The following ROBO2 variants were observed in gnomAD, a reference collection of about 807,000 sequenced individuals.
ROBO2 encodes roundabout homolog 2.
In ROBO2, 53 loss-of-function variants were observed where a neutral mutation model predicts 160.8. The ratio of observed to expected loss-of-function variants is 0.33; its 90% CI spans 0.26 to 0.41. ROBO2 has a LOEUF of 0.41. Ranked by LOEUF, ROBO2 falls within the 10% of genes least tolerant of loss-of-function variation. The pLI is 1.00. For missense variants in ROBO2, 1,577 were observed against 1,722.4 expected, an observed-to-expected ratio of 0.92 and a Z score of 1.49; for synonymous variants, 664 against 611.7, an observed-to-expected ratio of 1.09 and a Z score of -1.26.
intron 1 of ROBO2, among the ~76,000 whole-genome samples, chr3:77,047,852 G>T (rs1225201483): frequency 1.3e-5 from 2 of 151,502 alleles, no homozygotes; most frequent in African/African-American, 4.8e-5. Flanking sequence ...GACTATCCTG[G>T]CTAATACGGC....
At chr3:76,576,968 G>T (rs1477919667) in intron 2 of ROBO2, among the ~76,000 whole-genome samples, 1 of 151,908 alleles carries the variant, frequency 6.6e-6, no homozygotes, top group African/African-American at 2.4e-5. Flanking sequence ...AAGGAGGAAA[G>T]GAGAGGAATA....
chr3:76,103,130 A>C (rs2069773007), intron 2 of ROBO2, among the ~76,000 whole-genome samples: 1 of 152,120 alleles, frequency 6.6e-6, no homozygotes, highest in African/African-American at 2.4e-5. Flanking sequence ...GCCAGACCTG[A>C]CCATGTTTAA....
intron 24 of ROBO2, chr3:77,642,754 A>C (rs1166898116): frequency 2.6e-5 from 12 of 456,754 alleles, no homozygotes; most frequent in Non-Finnish European, 5.3e-5. Flanking sequence ...TAACGTGGAA[A>C]ACTCAGCAGA....
chr3:77,617,665 C>G (rs1231321710), exon 22 of ROBO2: 5 of 1,614,138 alleles, frequency 3.1e-6, no homozygotes, highest in African/African-American at 1.3e-5. Flanking sequence ...GGACAGCAGT[C>G]CACTGCAACT....
chr3:76,593,216 T>C (rs903538514), intron 2 of ROBO2, among the ~76,000 whole-genome samples: 1 of 152,092 alleles, frequency 6.6e-6, no homozygotes, highest in African/African-American at 2.4e-5. Flanking sequence ...ATCACCAAAG[T>C]GAACAATATC....
intron 2 of ROBO2, among the ~76,000 whole-genome samples, chr3:77,269,030 G>A (rs1272944148): frequency 1.3e-5 from 2 of 152,144 alleles, no homozygotes; most frequent in African/African-American, 4.8e-5. Flanking sequence ...ATATCTCTGA[G>A]CATCTTAATT....
chr3:77,564,861 A>G lies in ROBO2; in HGVS notation c.1683-93A>G. 6 of 1,039,646 alleles carry G rather than the reference A, an allele frequency of 5.8e-6. No individual in the cohort carries two copies. In the South Asian group the frequency reaches 6.8e-5, roughly 12 times the overall value. 64.4% of individuals were successfully genotyped at this position (1,039,646 alleles called of 1,614,324 possible). On this transcript the variant is annotated intron_variant, in intron 11 of 25. Coordinates refer to ENST00000461745, the Ensembl canonical transcript of ROBO2. ...TTGTGTGTGTGTGTGTGTGTGTTTA[A>G]TTTCCAGCCATTAACCTTTGTCATT...
At chr3:77,352,039 C>A (rs1335883836) in intron 2 of ROBO2, among the ~76,000 whole-genome samples, 1 of 150,468 alleles carries the variant, frequency 6.6e-6, no homozygotes, top group Non-Finnish European at 1.5e-5. Flanking sequence ...ATGGAACATG[C>A]ATACATATGT....
intron 2 of ROBO2, among the ~76,000 whole-genome samples, chr3:77,386,539 A>C (rs2074115132): frequency 6.8e-6 from 1 of 146,198 alleles, no homozygotes; most frequent in African/African-American, 2.5e-5. Context: ...ATTACAAGAT[A>C]TTTTATTAAA....
chr3:77,425,849 G>C (rs923239055), intron 2 of ROBO2, among the ~76,000 whole-genome samples: 1 of 151,858 alleles, frequency 6.6e-6, no homozygotes, highest in Non-Finnish European at 1.5e-5. Flanking sequence ...TTTTAGTAGA[G>C]ACAGGGTTTC....
intron 2 of ROBO2, among the ~76,000 whole-genome samples, chr3:77,450,179 T>C (rs2080979370): frequency 6.6e-6 from 1 of 152,144 alleles, no homozygotes; most frequent in African/African-American, 2.4e-5. Flanking sequence ...AGTCAGCTGG[T>C]TTTATTTAAA....
intron 2 of ROBO2, among the ~76,000 whole-genome samples, chr3:77,189,597 C>T (rs1412301355): frequency 1.3e-5 from 2 of 151,712 alleles, no homozygotes; most frequent in Non-Finnish European, 3.0e-5. Context: ...ATATTGTATC[C>T]CCAAAACAAG....
intron 2 of ROBO2, among the ~76,000 whole-genome samples, chr3:76,254,286 G>A (rs1030805197): frequency 2.0e-5 from 3 of 152,070 alleles, no homozygotes; most frequent in African/African-American, 7.2e-5. Flanking sequence ...GAGTGACTAT[G>A]AGGACCATCA....
chr3:76,930,832 C>T (rs1380468098), intron 2 of ROBO2, among the ~76,000 whole-genome samples: 4 of 152,196 alleles, frequency 2.6e-5, no homozygotes, highest in Non-Finnish European at 4.4e-5. Context: ...AAATTCCCAG[C>T]CACGTTGGTA....
At chr3:76,155,894 T>G (rs960978860) in intron 2 of ROBO2, among the ~76,000 whole-genome samples, 1 of 152,180 alleles carries the variant, frequency 6.6e-6, no homozygotes, top group Non-Finnish European at 1.5e-5. Flanking sequence ...TGGTGTGATT[T>G]CTTCAACCCC....
chr3:76,841,943 A>G (rs2068314481), intron 2 of ROBO2, among the ~76,000 whole-genome samples: 1 of 152,190 alleles, frequency 6.6e-6, no homozygotes, highest in Non-Finnish European at 1.5e-5. Context: ...GACCAGCATA[A>G]GGGCAATCTG....
intron 2 of ROBO2, among the ~76,000 whole-genome samples, chr3:76,024,383 T>TAA (rs1174640579): frequency 7.9e-6 from 1 of 126,910 alleles, no homozygotes; most frequent in Non-Finnish European, 1.7e-5. Flanking sequence ...TTTTTTTTTT[T>TAA]AAAAACCTTG....
At chr3:76,972,731 C>T (rs1247680974) in intron 2 of ROBO2, among the ~76,000 whole-genome samples, 1 of 151,984 alleles carries the variant, frequency 6.6e-6, no homozygotes, top group African/African-American at 2.4e-5. Flanking sequence ...TATTGGTGCA[C>T]ACCTGTAGTC....
chr3:77,253,960 G>A (rs1457707490), intron 2 of ROBO2, among the ~76,000 whole-genome samples: 1 of 152,142 alleles, frequency 6.6e-6, no homozygotes, highest in Non-Finnish European at 1.5e-5. Context: ...ATGCTATTCT[G>A]TTTTTATACT....
Sources: gnomAD v4.1 joint callset for allele counts (sites outside exome capture counted in the v4.1 genomes callset) on GRCh38, gnomAD v4.1.1 for gene constraint, MANE v1.5 for transcripts, NCBI Gene and HGNC (gene_info 2026-07-23, HGNC 2026-07-21) for gene names.